SKI: variants seen among roughly 807,000 people sequenced by gnomAD.
The protein encoded by SKI is SKI proto-oncogene.
A neutral mutation model predicts 59.3 loss-of-function variants in SKI; 23 were observed. The observed-to-expected ratio is 0.39, with a 90% confidence interval of 0.28 to 0.55. SKI has a LOEUF of 0.55. SKI is among the 20% of genes least tolerant of loss of function. SKI has a pLI of 0.67. For synonymous variants in SKI, 673 were observed against 488.6 expected (o/e 1.38, Z -4.98); for missense variants, 1,017 against 1,038.9 (o/e 0.98, Z 0.29).
At chr1:2,243,234 G>A (rs72927818) in intron 1 of SKI, among the ~76,000 whole-genome samples, 1 of 152,372 alleles carries the variant, frequency 6.6e-6, no homozygotes, top group African/African-American at 2.4e-5. Context: ...GCTTCAGGGC[G>A]CGTGTCAGCA....
rs374936638 is a variant in SKI, at chr1:2,294,424, C to T, written c.970-8554C>T. Among the ~76,000 whole-genome samples the T allele has an allele frequency of 5.2e-5, 8 of 152,386 alleles. No homozygotes were observed. In the South Asian group the frequency reaches 1.7e-3, roughly 32 times the overall value. On this transcript the variant is annotated intron_variant, in intron 1 of 6. Coordinates refer to ENST00000378536, the MANE Select transcript of SKI (RefSeq NM_003036.4). ...CTGCCCCCATCCAGAGCCCCGACTC[C>T]CGCTGGCCTCCCCCGTGCGGGGATG...
chr1:2,309,636 C>T lies in SKI; in HGVS notation c.*2871C>T, dbSNP rs1482556509. 2.0e-5 allele frequency: 3 copies of T among 151,222 alleles called. No individual in the cohort carries two copies. Among genetic ancestry groups the T allele is most frequent in the Non-Finnish European group, 4.4e-5 (3 of 67,786 alleles). 9.4% of individuals were successfully genotyped at this position (151,222 alleles called of 1,614,324 possible). A position where few individuals can be genotyped will look rare whatever the true frequency, so the allele number is the denominator to read the frequency against. On this transcript the variant is annotated 3_prime_UTR_variant, in exon 7 of 7. Coordinates refer to ENST00000378536, the MANE Select transcript of SKI (RefSeq NM_003036.4). ...AAACCCATGTGCGTTTCCCATGTGA[C>T]CCCCTCCTCCCTGTGGGTCTGAGCC... is the stretch of plus-strand genomic sequence containing the variant.
intron 1 of SKI, among the ~76,000 whole-genome samples, chr1:2,250,094 C>T (rs971131838): frequency 1.1e-4 from 16 of 152,178 alleles, no homozygotes; most frequent in South Asian, 4.1e-4. Flanking sequence ...TTAGTAGAGA[C>T]GGGGTTTCAC....
At chr1:2,295,551 C>A (rs1221088154) in intron 1 of SKI, among the ~76,000 whole-genome samples, 1 of 152,198 alleles carries the variant, frequency 6.6e-6, no homozygotes, top group Non-Finnish European at 1.5e-5. Flanking sequence ...CCCCAGGCCC[C>A]AAATCCCAGC....
At chr1:2,291,807 C>T (rs1640168743) in intron 1 of SKI, among the ~76,000 whole-genome samples, 1 of 152,324 alleles carries the variant, frequency 6.6e-6, no homozygotes, top group African/African-American at 2.4e-5. Flanking sequence ...GGCTTTTTGT[C>T]ATCAACAGCG....
At chr1:2,241,843 C>T (rs1164854201) in intron 1 of SKI, among the ~76,000 whole-genome samples, 1 of 152,248 alleles carries the variant, frequency 6.6e-6, no homozygotes, top group Non-Finnish European at 1.5e-5. Context: ...TTTCCGGACA[C>T]CAGCCCATGT....
In SKI at chr1:2,228,793, C is replaced by A. The variant is rs1476360335; in HGVS notation, c.27C>A (p.Gly9=). 7 of 1,320,170 alleles carry A rather than the reference C, an allele frequency of 5.3e-6. No individual in the cohort carries two copies. The highest frequency in any genetic ancestry group is 6.8e-6 in the Non-Finnish European group (7 of 1,022,192). 81.8% of individuals were successfully genotyped at this position (1,320,170 alleles called of 1,614,324 possible). A position where few individuals can be genotyped will look rare whatever the true frequency, so the allele number is the denominator to read the frequency against. Residue 9 remains glycine (G), a synonymous_variant, in exon 1 of 7, where the codon GGC becomes GGA. Transcript: ENST00000378536. MEAAAGGR[G]CFQPHPGLQK... is the part of the protein sequence containing the mutation. ...TGGAGGCGGCGGCAGGCGGCCGCGG[C>A]TGTTTCCAGCCGCACCCGGGGCTGC... is the stretch of plus-strand genomic sequence containing the variant.
rs1355613017 is a variant in SKI at position 2,308,851 on chromosome 1, A to G, written c.*2086A>G. 6.6e-6 allele frequency: 1 copy of G among 152,212 alleles called. No homozygotes were observed. Among genetic ancestry groups the G allele is most frequent in the African/African-American group, 2.4e-5 (1 of 41,432 alleles). 9.4% of individuals were successfully genotyped at this position (152,212 alleles called of 1,614,324 possible). On this transcript the variant is annotated 3_prime_UTR_variant, in exon 7 of 7. Coordinates refer to ENST00000378536, the MANE Select transcript of SKI (RefSeq NM_003036.4). Reference sequence around the variant, plus strand: ...CAGAGCCTCTCCTTGCCCTTGCTCCATCCCGACGGTCACCGTTGGGTCCAC... The same window carrying G: ...CAGAGCCTCTCCTTGCCCTTGCTCCGTCCCGACGGTCACCGTTGGGTCCAC...
intron 1 of SKI, among the ~76,000 whole-genome samples, chr1:2,279,627 G>A (rs1018117002): frequency 6.6e-6 from 1 of 152,124 alleles, no homozygotes; most frequent in African/African-American, 2.4e-5. Flanking sequence ...GGGCTGAAGG[G>A]GGGAGTCGGC....
At chr1:2,288,303 G>A (rs1206669734) in intron 1 of SKI, among the ~76,000 whole-genome samples, 1 of 152,170 alleles carries the variant, frequency 6.6e-6, no homozygotes, top group African/African-American at 2.4e-5. Flanking sequence ...TGTATTTTTA[G>A]TAGAGACAGG....
Position 2,303,409 on chromosome 1 carries a change from G to T in SKI, c.1211+9G>T, listed in dbSNP as rs573719418. Reference sequence around the variant, plus strand: ...GCCCTCATCCGAGACAGGTGAGTGGGCGCCATTCACAGGTGTTTCTGATCA... The same window carrying T: ...GCCCTCATCCGAGACAGGTGAGTGGTCGCCATTCACAGGTGTTTCTGATCA... On this transcript the variant is annotated intron_variant, in intron 3 of 6. Coordinates refer to ENST00000378536, the MANE Select transcript of SKI (RefSeq NM_003036.4). This position sits in a 1 kb window ranked among gnomAD's most constrained non-coding sequence, Gnocchi z 5.6. 9 of 1,602,640 alleles carry T rather than the reference G, an allele frequency of 5.6e-6. No individual in the cohort carries two copies. In the East Asian group the frequency reaches 1.8e-4, roughly 32 times the overall value.
At chr1:2,235,656 G>A (rs1569678822) in intron 1 of SKI, among the ~76,000 whole-genome samples, 1 of 152,168 alleles carries the variant, frequency 6.6e-6, no homozygotes, top group African/African-American at 2.4e-5. Context: ...TCGATGGGGG[G>A]CCCAGGGAGC....
chr1:2,277,096 GTTGT>G (rs1639758686), intron 1 of SKI, among the ~76,000 whole-genome samples: 1 of 152,178 alleles, frequency 6.6e-6, no homozygotes, highest in Admixed American at 6.5e-5. Flanking sequence ...TGTGCTAACA[GTTGT>G]TTGTTTAAAA....
chr1:2,265,204 G>A (rs577025067), intron 1 of SKI, among the ~76,000 whole-genome samples: 1 of 152,204 alleles, frequency 6.6e-6, no homozygotes, highest in Non-Finnish European at 1.5e-5. Flanking sequence ...AGTACGTTGT[G>A]TAGTTTTTGT....
intron 1 of SKI, among the ~76,000 whole-genome samples, chr1:2,289,684 G>A (rs887984367): frequency 2.6e-5 from 4 of 151,980 alleles, no homozygotes; most frequent in Admixed American, 1.3e-4. Flanking sequence ...CCCCTCCCCC[G>A]AGCCCACCGT....
rs1034165951 is a variant in SKI, at chr1:2,267,245, C to T, written c.970-35733C>T. 1.3e-5 allele frequency among the ~76,000 whole-genome samples: 2 copies of T among 152,092 alleles called. No homozygotes were observed. Among genetic ancestry groups the T allele is most frequent in the South Asian group, 2.1e-4 (1 of 4,828 alleles). ...TAATAACATCTGCAGGCACAGGCGA[C>T]GATAGCAGTTGTGGGCCAGCCGTCA... On this transcript the variant is annotated intron_variant, in intron 1 of 6. Coordinates refer to ENST00000378536, the MANE Select transcript of SKI (RefSeq NM_003036.4). This position sits in a 1 kb window ranked among gnomAD's most constrained non-coding sequence, Gnocchi z 4.1.
rs142465635 is a variant in SKI at position 2,240,706 on chromosome 1, T to C, written c.969+10971T>C. On this transcript the variant is annotated intron_variant, in intron 1 of 6. Transcript: ENST00000378536. ...ACTTGTTCGGAGGATGGAGGACAGT[T>C]CTAGATCCAGGAGAGCGGTGGCGCA... 118 of 985,370 alleles carry C rather than the reference T, an allele frequency of 1.2e-4. 1 individual carries two copies. The Middle Eastern group carries it at 2.6e-3, about 22-fold the overall frequency. 61.0% of individuals were successfully genotyped at this position (985,370 alleles called of 1,614,324 possible).
At position 2,270,063 on chromosome 1, in the gene SKI, G is replaced by A. The variant is rs955643081; in HGVS notation, c.970-32915G>A. On this transcript the variant is annotated intron_variant, in intron 1 of 6. Coordinates refer to ENST00000378536, the MANE Select transcript of SKI (RefSeq NM_003036.4). This position sits in a 1 kb window ranked among gnomAD's most constrained non-coding sequence, Gnocchi z 4.1. ...TGGTGGTGCCTGCCATCAGGCTGCC[G>A]ATGGATGAGCCTGCCTGTCCCCCAC... 2.3e-4 allele frequency among the ~76,000 whole-genome samples: 35 copies of A among 152,216 alleles called. No individual in the cohort carries two copies. Among genetic ancestry groups the A allele is most frequent in the African/African-American group, 8.4e-4 (35 of 41,536 alleles).
rs1639542934 is a variant in SKI at position 2,268,348 on chromosome 1, G to A, written c.970-34630G>A. ...TTGGGTGGGCTGAACCCTGCACCCT[G>A]GCCCGGGTGTGGGGTCCTGGTGCTC... is the stretch of plus-strand genomic sequence containing the variant. On this transcript the variant is annotated intron_variant, in intron 1 of 6. Transcript: ENST00000378536. This position sits in a 1 kb window ranked among gnomAD's most constrained non-coding sequence, Gnocchi z 5.0. Among the ~76,000 whole-genome samples the A allele has an allele frequency of 3.9e-5, 6 of 152,204 alleles. 1 individual carries two copies. The South Asian group carries it at 1.2e-3, about 31-fold the overall frequency.
Sources: gnomAD v4.1 joint callset for allele counts (sites outside exome capture counted in the v4.1 genomes callset) on GRCh38, gnomAD v4.1.1 for gene constraint, Gnocchi (gnomAD v3.1) non-coding constraint, MANE v1.5 for transcripts, NCBI Gene and HGNC (gene_info 2026-07-23, HGNC 2026-07-21) for gene names.